NR4A1: variants seen among roughly 807,000 people sequenced by gnomAD.
NR4A1 encodes nuclear receptor subfamily 4 group A member 1.
In NR4A1, 24 loss-of-function variants were observed where a neutral mutation model predicts 47.5. The observed-to-expected ratio is 0.50, with a 90% confidence interval of 0.37 to 0.71. The LOEUF (loss-of-function observed/expected upper bound fraction) is 0.71. Among genes scored for constraint, NR4A1 ranks in the 30% least tolerant of loss-of-function variants. The probability of loss-of-function intolerance (pLI) is 0.00; values close to 1 mark genes in which losing one functional copy is unlikely to be tolerated. For missense variants in NR4A1, 669 were observed against 788.6 expected (o/e 0.85, Z 1.82); for synonymous variants, 353 against 345.7 (o/e 1.02, Z -0.24).
At chr12:52,028,121 G>A (rs1938035783) in intron 1 of NR4A1, among the ~76,000 whole-genome samples, 1 of 142,578 alleles carries the variant, frequency 7.0e-6, no homozygotes, top group Non-Finnish European at 1.5e-5. Flanking sequence ...AGGATCGCTT[G>A]AGCCCAGGAG....
At chr12:52,046,852 G>A (rs1047605961), upstream of NR4A1, among the ~76,000 whole-genome samples, 10 of 152,086 alleles carry the variant, frequency 6.6e-5, no homozygotes, top group South Asian at 2.1e-4. Flanking sequence ...GCGTGGTGGC[G>A]GGCGCTTGTA....
chr12:52,058,467 C>G (rs980927229), intron 6 of NR4A1: 2 of 578,168 alleles, frequency 3.5e-6, no homozygotes, highest in African/African-American at 3.8e-5. Flanking sequence ...CATTAGCCTC[C>G]TGGGCCTCGG....
At chr12:52,029,261 A>T (rs941742621) in intron 1 of NR4A1, among the ~76,000 whole-genome samples, 2 of 152,160 alleles carry the variant, frequency 1.3e-5, no homozygotes, top group African/African-American at 4.8e-5. Context: ...TCCCCTCCAA[A>T]CGCCTGCAGC....
chr12:52,026,189 G>A (rs1008992404), intron 1 of NR4A1, among the ~76,000 whole-genome samples: 1 of 152,266 alleles, frequency 6.6e-6, no homozygotes, highest in African/African-American at 2.4e-5. Flanking sequence ...GGACAGGAGT[G>A]CATGGGAAAT....
chr12:52,054,260 T>C, intron 1 of NR4A1, 67 bp from the exon 2 acceptor site: 1 of 1,389,992 alleles, frequency 7.2e-7, no homozygotes, highest in South Asian at 1.4e-5. Flanking sequence ...CCAAATACTT[T>C]GAGACAAGGC....
chr12:52,036,642 G>A (rs1203373800), intron 1 of NR4A1, among the ~76,000 whole-genome samples: 1 of 152,264 alleles, frequency 6.6e-6, no homozygotes, highest in Non-Finnish European at 1.5e-5. Flanking sequence ...CTCTTCAGGA[G>A]AAAGTCCTAT....
intron 1 of NR4A1, among the ~76,000 whole-genome samples, chr12:52,024,668 G>A (rs981404881): frequency 6.6e-6 from 1 of 151,910 alleles, no homozygotes; most frequent in African/African-American, 2.4e-5. Context: ...CTCCAGCCTG[G>A]GTGACAGAGT....
At chr12:52,032,430 C>G (rs910043921) in intron 1 of NR4A1, among the ~76,000 whole-genome samples, 1 of 152,242 alleles carries the variant, frequency 6.6e-6, no homozygotes, top group Non-Finnish European at 1.5e-5. Context: ...TACTTCTCAG[C>G]GTCCATAATC....
In NR4A1 at chr12:52,046,316, G is replaced by A. The variant is rs186921201; in HGVS notation, c.37+4387G>A. On this transcript the variant is annotated intron_variant, in intron 2 of 7. Coordinates refer to the NR4A1 transcript ENST00000360284. ...CTACTTACTACTGAGGATGCACAAA[G>A]GATCTTCCCACCACGGACTAGGAGA... is the stretch of plus-strand genomic sequence containing the variant. Among the ~76,000 whole-genome samples the A allele has an allele frequency of 2.6e-5, 4 of 152,304 alleles. No individual in the cohort carries two copies. In the East Asian group the frequency reaches 7.7e-4, roughly 29 times the overall value.
In NR4A1 at chr12:52,054,628, C is replaced by A; in HGVS notation, c.300C>A (p.Ser100=). The A allele has an allele frequency of 5.0e-6, 8 of 1,614,178 alleles. No homozygotes were observed. In the South Asian group the frequency reaches 5.5e-5, roughly 11 times the overall value. The change falls in exon 2 of 7, where the codon TCC becomes TCA. Residue 100 remains serine, a synonymous_variant. Coordinates refer to ENST00000394825, the MANE Select transcript of NR4A1 (RefSeq NM_173157.3). ...SSSATSPASA[S]FKFEDFQVYG... The stretch of plus-strand genomic sequence containing the variant: ...CAGCCACCTCCCCTGCCTCTGCCTC[C>A]TTCAAGTTCGAGGACTTCCAGGTGT...
intron 1 of NR4A1, among the ~76,000 whole-genome samples, chr12:52,034,097 C>T (rs1473243181): frequency 2.6e-5 from 4 of 152,162 alleles, no homozygotes; most frequent in African/African-American, 9.7e-5. Context: ...TACTTCCCAC[C>T]CTCAGGATCT....
chr12:52,023,744 C>T (rs557109529), intron 1 of NR4A1, among the ~76,000 whole-genome samples: 1 of 152,278 alleles, frequency 6.6e-6, no homozygotes, highest in South Asian at 2.1e-4. Flanking sequence ...ACCGTCCTCT[C>T]ATCCCCATGG....
chr12:52,038,126 G>T, intron 1 of NR4A1: 1 of 928,554 alleles, frequency 1.1e-6, no homozygotes, highest in Non-Finnish European at 1.3e-6. Context: ...GTGCAGTAGC[G>T]TGATCTCGGC....
intron 1 of NR4A1, among the ~76,000 whole-genome samples, chr12:52,052,861 C>T (rs921757511): frequency 6.6e-6 from 1 of 152,246 alleles, no homozygotes; most frequent in Non-Finnish European, 1.5e-5. Context: ...CCTCACCTCT[C>T]GCAGGGTGCT....
At chr12:52,033,546 A>G (rs1938175742) in intron 1 of NR4A1, among the ~76,000 whole-genome samples, 1 of 152,188 alleles carries the variant, frequency 6.6e-6, no homozygotes, top group Non-Finnish European at 1.5e-5. Context: ...GACCTTGGCC[A>G]CTTTCTCTTG....
chr12:52,045,093 C>T (rs1242851062), intron 2 of NR4A1, among the ~76,000 whole-genome samples: 1 of 152,226 alleles, frequency 6.6e-6, no homozygotes, highest in African/African-American at 2.4e-5. Flanking sequence ...GCTGCATACA[C>T]AGTCTAGAAT....
chr12:52,038,840 G>A, intron 1 of NR4A1: 1 of 716,428 alleles, frequency 1.4e-6, no homozygotes, highest in East Asian at 2.6e-5. Flanking sequence ...AAGAAAGTCA[G>A]CTGAGGAGTT....
In NR4A1 at chr12:52,058,795, AGCT is replaced by A. The variant is rs745652743; in HGVS notation, c.1651_1653del (p.Cys551del). 1 of 1,612,874 alleles carries A rather than the reference AGCT, an allele frequency of 6.2e-7. No individual in the cohort carries two copies. The highest frequency in any genetic ancestry group is 1.3e-5 in the African/African-American group (1 of 75,032). On this transcript the variant is annotated inframe_deletion, in exon 7 of 7. Transcript: ENST00000394825. The stretch of plus-strand genomic sequence containing the variant: ...TGTGGCGGGCGAGCCCCAGCCAGCC[AGCT>A]GCCTGTCACGTCTGTTGGGCAAACT...
chr12:52,037,400 C>G, intron 1 of NR4A1: 1 of 985,462 alleles, frequency 1.0e-6, no homozygotes, highest in Non-Finnish European at 1.2e-6. Flanking sequence ...GTGCGCGACC[C>G]CGGAAAGCGG....
Sources: allele counts gnomAD v4.1 joint callset (sites outside exome capture counted in the v4.1 genomes callset), GRCh38; gene constraint gnomAD v4.1.1; transcripts MANE v1.5; gene names NCBI Gene and HGNC (gene_info 2026-07-23, HGNC 2026-07-21).